Variants in KCNQ1 observed in about 807,000 individuals in gnomAD.
The protein encoded by KCNQ1 is potassium voltage-gated channel subfamily KQT member 1.
Under a neutral mutation model 72.4 loss-of-function variants are expected in KCNQ1, and 49 were observed. That is an observed-to-expected ratio of 0.68 (90% CI 0.54 to 0.86). The LOEUF (loss-of-function observed/expected upper bound fraction) is 0.86. Among genes scored for constraint, KCNQ1 ranks in the 40% least tolerant of loss-of-function variants. KCNQ1 has a pLI of 0.00. For synonymous variants in KCNQ1, 450 were observed against 412.6 expected (o/e 1.09, Z -1.10); for missense variants, 790 against 945.1 (o/e 0.84, Z 2.15).
Position 2,673,066 on chromosome 11 carries a change from C to G in KCNQ1, c.1514+10985C>G. 2.5e-6 allele frequency: 1 copy of G among 398,826 alleles called. No individual in the cohort carries two copies. The highest frequency in any genetic ancestry group is 4.4e-6 in the Non-Finnish European group (1 of 226,204). The allele number at this position is 398,826 out of a possible 1,614,324, so 24.7% of individuals were successfully genotyped here. ...TGGCCAAAAGGGACAGTGAAGTTGG[C>G]TTCTCAGGCCACAGTAGGCCTTCAC... On this transcript the variant is annotated intron_variant, in intron 11 of 15. Coordinates refer to ENST00000155840, the MANE Select transcript of KCNQ1 (RefSeq NM_000218.3). This position sits in a 1 kb window ranked among gnomAD's most constrained non-coding sequence, Gnocchi z 4.5.
intron 2 of KCNQ1, among the ~76,000 whole-genome samples, chr11:2,539,944 C>A (rs1377067257): frequency 2.0e-5 from 3 of 152,186 alleles, no homozygotes; most frequent in Non-Finnish European, 1.5e-5. Context: ...TGGAGAGCCT[C>A]GCTTGAAGCG....
chr11:2,551,955 A>T (rs1847989255), intron 2 of KCNQ1, among the ~76,000 whole-genome samples: 1 of 152,200 alleles, frequency 6.6e-6, no homozygotes, highest in South Asian at 2.1e-4. Context: ...TAATCATGTG[A>T]GTTGTAAGAG....
intron 15 of KCNQ1, among the ~76,000 whole-genome samples, chr11:2,834,526 C>T (rs908994494): frequency 3.3e-5 from 5 of 152,190 alleles, no homozygotes; most frequent in African/African-American, 1.2e-4. Context: ...GGGGGCTGCC[C>T]CAGCTCCCCC....
intron 15 of KCNQ1, among the ~76,000 whole-genome samples, chr11:2,798,730 T>C (rs561462416): frequency 1.3e-5 from 2 of 152,292 alleles, no homozygotes; most frequent in African/African-American, 4.8e-5. Context: ...GTGAAAACTG[T>C]GTATTTTTGA....
At position 2,541,017 on chromosome 11, in the gene KCNQ1, G is replaced by C. The variant is rs776938137; in HGVS notation, c.477+12999G>C. On this transcript the variant is annotated intron_variant, in intron 2 of 15. Transcript: ENST00000155840. The surrounding 1 kb of genome is among the most constrained non-coding windows in gnomAD (Gnocchi z 4.8). ...TATGTGCACGGATGGGCGTGTGGAC[G>C]TATGCACACATAGGTACCCATGTGG... Among the ~76,000 whole-genome samples, 9 of 152,224 alleles carry C rather than the reference G, an allele frequency of 5.9e-5. No homozygotes were observed. Among genetic ancestry groups the C allele is most frequent in the Non-Finnish European group, 1.2e-4 (8 of 68,036 alleles).
intron 11 of KCNQ1, among the ~76,000 whole-genome samples, chr11:2,716,496 T>C (rs552021232): frequency 3.9e-5 from 6 of 152,252 alleles, no homozygotes; most frequent in African/African-American, 1.4e-4. Flanking sequence ...GTCCCCAGCC[T>C]CCAGGGCCAG....
At chr11:2,706,143 G>A (rs1174059927) in intron 11 of KCNQ1, among the ~76,000 whole-genome samples, 2 of 152,234 alleles carry the variant, frequency 1.3e-5, no homozygotes, top group Admixed American at 6.5e-5. Context: ...CGTTCTTCCG[G>A]AAGTGGCACT....
In KCNQ1 at chr11:2,520,590, G is replaced by A. The variant is rs868317298; in HGVS notation, c.387-7338G>A. ...GATTCAGCCCTGGGGAACAGCCCTG[G>A]CAGGCTGTGAGACCTCTGCCCCTGG... On this transcript the variant is annotated intron_variant, in intron 1 of 15. Coordinates refer to ENST00000155840, the MANE Select transcript of KCNQ1 (RefSeq NM_000218.3). Among the ~76,000 whole-genome samples, 23 of 152,148 alleles carry A rather than the reference G, an allele frequency of 1.5e-4. No homozygotes were observed. The South Asian group carries it at 2.1e-3, about 14-fold the overall frequency.
In KCNQ1 at chr11:2,668,673, G is replaced by A. The variant is rs897483558; in HGVS notation, c.1514+6592G>A. ...ATCTTTAGATATTCTGGAGTCATTTGTCAGAGAGAGAGATACACACACTCA... is the reference window on the plus strand; with the variant it reads ...ATCTTTAGATATTCTGGAGTCATTTATCAGAGAGAGAGATACACACACTCA... On this transcript the variant is annotated intron_variant, in intron 11 of 15. Coordinates refer to ENST00000155840, the MANE Select transcript of KCNQ1 (RefSeq NM_000218.3). The surrounding 1 kb of genome is among the most constrained non-coding windows in gnomAD (Gnocchi z 4.3). 1.3e-5 allele frequency: 5 copies of A among 398,314 alleles called. No individual in the cohort carries two copies. The Admixed American group carries it at 1.3e-4, about 11-fold the overall frequency. The allele number at this position is 398,314 out of a possible 1,614,324, so 24.7% of individuals were successfully genotyped here.
rs533453269 is a variant in KCNQ1 at position 2,463,967 on chromosome 11, G to A, written c.386+18483G>A. 3.3e-5 allele frequency among the ~76,000 whole-genome samples: 5 copies of A among 152,358 alleles called. No homozygotes were observed. In the East Asian group the frequency reaches 9.6e-4, roughly 29 times the overall value. On this transcript the variant is annotated intron_variant, in intron 1 of 15. Transcript: ENST00000155840. The surrounding 1 kb of genome is among the most constrained non-coding windows in gnomAD (Gnocchi z 7.0). ...CCCAGCAGGCTCACTGTCGGCAGTT[G>A]GGTCTGGTTTGATAACCGTGGACCG... is the stretch of plus-strand genomic sequence containing the variant.
intron 6 of KCNQ1, among the ~76,000 whole-genome samples, chr11:2,575,009 C>G (rs1477066332): frequency 6.6e-6 from 1 of 152,162 alleles, no homozygotes; most frequent in Non-Finnish European, 1.5e-5. Context: ...TCCCGGGAGG[C>G]TGGTGGCAAG....
chr11:2,445,814 GCGCACCCTTGGGTGCAGTAAGATA>G, intron 1 of KCNQ1, among the ~76,000 whole-genome samples: 1 of 152,152 alleles, frequency 6.6e-6, no homozygotes, highest in African/African-American at 2.4e-5. Context: ...GTGCTGGGGA[GCGCACCCTTGGGTGCAGTAAGATA>G]ACTCCTCAAG....
rs1367588524 is a variant in KCNQ1 at position 2,642,826 on chromosome 11, C to G, written c.1394-19135C>G. The G allele has an allele frequency of 2.5e-6, 1 of 397,844 alleles. No homozygotes were observed. Among genetic ancestry groups the G allele is most frequent in the Non-Finnish European group, 4.4e-6 (1 of 225,664 alleles). 24.6% of individuals were successfully genotyped at this position (397,844 alleles called of 1,614,324 possible). On this transcript the variant is annotated intron_variant, in intron 10 of 15. Transcript: ENST00000155840. This position sits in a 1 kb window ranked among gnomAD's most constrained non-coding sequence, Gnocchi z 4.3. ...ACAATAAACTTTCCTCTTAGCATTG[C>G]TTTTGCAGTATCCCTTAAGTTTCAG...
rs1846216090 is a variant in KCNQ1, at chr11:2,750,909, C to T, written c.1515-17935C>T. 6.6e-6 allele frequency among the ~76,000 whole-genome samples: 1 copy of T among 152,212 alleles called. No homozygotes were observed. The highest frequency in any genetic ancestry group is 2.4e-5 in the African/African-American group (1 of 41,450). ...ATCTCCCCAGGATTTAAACGGGGTC[C>T]TCCCCAGCTGCCTGCCTACACCCCA... On this transcript the variant is annotated intron_variant, in intron 11 of 15. Transcript: ENST00000155840. This position sits in a 1 kb window ranked among gnomAD's most constrained non-coding sequence, Gnocchi z 6.3.
intron 1 of KCNQ1, chr11:2,461,673 A>C: frequency 7.3e-7 from 1 of 1,367,116 alleles, no homozygotes; most frequent in Non-Finnish European, 9.8e-7. Flanking sequence ...GACCCTGGGA[A>C]AGAGCCTGTG....
At position 2,507,996 on chromosome 11, in the gene KCNQ1, G is replaced by A. The variant is rs1847131239; in HGVS notation, c.387-19932G>A. Among the ~76,000 whole-genome samples, 1 of 152,134 alleles carries A rather than the reference G, an allele frequency of 6.6e-6. No homozygotes were observed. The highest frequency in any genetic ancestry group is 2.4e-5 in the African/African-American group (1 of 41,426). On this transcript the variant is annotated intron_variant, in intron 1 of 15. Transcript: ENST00000155840. This position sits in a 1 kb window ranked among gnomAD's most constrained non-coding sequence, Gnocchi z 5.4. ...TTTTATTCCACACACGTATGTGGGA[G>A]TCTGGGTCCTGGTGGGTCCCAGCCC...
In KCNQ1 at chr11:2,815,286, G is replaced by C. The variant is rs932140788; in HGVS notation, c.1795-32481G>C. Among the ~76,000 whole-genome samples the C allele has an allele frequency of 1.3e-5, 2 of 152,180 alleles. No homozygotes were observed. Among genetic ancestry groups the C allele is most frequent in the African/African-American group, 2.4e-5 (1 of 41,438 alleles). On this transcript the variant is annotated intron_variant, in intron 15 of 15. Coordinates refer to ENST00000155840, the MANE Select transcript of KCNQ1 (RefSeq NM_000218.3). This position sits in a 1 kb window ranked among gnomAD's most constrained non-coding sequence, Gnocchi z 5.4. ...ACCACAGCATCCACACTCCCCACTA[G>C]AGCCCACATAGGTCTTATGGGTGCC...
chr11:2,730,949 C>T (rs994121859), intron 11 of KCNQ1, among the ~76,000 whole-genome samples: 1 of 152,182 alleles, frequency 6.6e-6, no homozygotes, highest in African/African-American at 2.4e-5. Context: ...ATGAGAGCCC[C>T]GGCCCAGCCT....
At chr11:2,801,927 G>A (rs962281414) in intron 15 of KCNQ1, among the ~76,000 whole-genome samples, 14 of 152,256 alleles carry the variant, frequency 9.2e-5, no homozygotes, top group African/African-American at 3.1e-4. Context: ...ACAGACCTCA[G>A]AAGGCTGGAG....
Sources: gnomAD v4.1 joint callset for allele counts (sites outside exome capture counted in the v4.1 genomes callset) on GRCh38, gnomAD v4.1.1 for gene constraint, Gnocchi (gnomAD v3.1) non-coding constraint, MANE v1.5 for transcripts, NCBI Gene and HGNC (gene_info 2026-07-23, HGNC 2026-07-21) for gene names.